The following SLC4A10 variants were observed in gnomAD, a reference collection of about 807,000 sequenced individuals.
SLC4A10 encodes solute carrier family 4 member 10.
Under a neutral mutation model 137.7 loss-of-function variants are expected in SLC4A10, and 42 were observed. The observed-to-expected ratio is 0.30, with a 90% confidence interval of 0.24 to 0.39. SLC4A10 has a LOEUF of 0.39. Ranked by LOEUF, SLC4A10 falls within the 10% of genes least tolerant of loss-of-function variation. The pLI is 1.00. For missense variants in SLC4A10, 925 were observed against 1,355.0 expected (o/e 0.68, Z 4.98); for synonymous variants, 474 against 464.1 (o/e 1.02, Z -0.27).
In SLC4A10 at chr2:161,958,975, T is replaced by G. The variant is rs548600941; in HGVS notation, c.2862+420T>G. ...AAATATTGGAAACAACCCAATTCTC[T>G]AACTGCAGTCAAATAATTAGGTAAC... On this transcript the variant is annotated intron_variant, in intron 21 of 26. Coordinates refer to ENST00000446997, the MANE Select transcript of SLC4A10 (RefSeq NM_001178015.2). 5.1e-4 allele frequency among the ~76,000 whole-genome samples: 78 copies of G among 152,320 alleles called. No individual in the cohort carries two copies. The South Asian group carries it at 6.2e-3, about 12-fold the overall frequency.
intron 15 of SLC4A10, among the ~76,000 whole-genome samples, chr2:161,932,887 C>CT (rs1244172245): frequency 1.3e-5 from 2 of 151,970 alleles, no homozygotes; most frequent in African/African-American, 2.4e-5. Flanking sequence ...CCCCATACTC[C>CT]TTGAGCCCCT....
At chr2:161,727,271 A>G (rs2046330946) in intron 1 of SLC4A10, among the ~76,000 whole-genome samples, 1 of 152,226 alleles carries the variant, frequency 6.6e-6, no homozygotes, top group African/African-American at 2.4e-5. Flanking sequence ...CCAGCTCAAG[A>G]AGAAAGCCCC....
At chr2:161,819,178 G>T (rs532590868) in intron 3 of SLC4A10, among the ~76,000 whole-genome samples, 15 of 152,098 alleles carry the variant, frequency 9.9e-5, no homozygotes, top group South Asian at 8.3e-4. Context: ...AAAAGAATAG[G>T]CCTTTAATAT....
At chr2:161,860,529 C>T (rs2060378696) in intron 5 of SLC4A10, among the ~76,000 whole-genome samples, 1 of 152,060 alleles carries the variant, frequency 6.6e-6, no homozygotes, top group South Asian at 2.1e-4. Context: ...GAAGTATATG[C>T]ATATTTTATA....
At chr2:161,828,854 G>A (rs1313489489) in intron 3 of SLC4A10, among the ~76,000 whole-genome samples, 2 of 135,408 alleles carry the variant, frequency 1.5e-5, no homozygotes, top group Non-Finnish European at 3.1e-5. Context: ...AGCATGCAGT[G>A]GATTTCAGAC....
chr2:161,827,786 C>T (rs1311847455), intron 3 of SLC4A10, among the ~76,000 whole-genome samples: 2 of 152,126 alleles, frequency 1.3e-5, no homozygotes. Context: ...AGGATGGTCT[C>T]GATCTCCTGA....
chr2:161,957,625 A>C (rs1695899556), intron 20 of SLC4A10, among the ~76,000 whole-genome samples: 1 of 152,180 alleles, frequency 6.6e-6, no homozygotes, highest in African/African-American at 2.4e-5. Context: ...AGTTAATATT[A>C]CTTACTATTA....
chr2:161,729,710 A>G (rs1157807272), intron 1 of SLC4A10, among the ~76,000 whole-genome samples: 1 of 152,202 alleles, frequency 6.6e-6, no homozygotes, highest in South Asian at 2.1e-4. Context: ...TACGTTAAAA[A>G]AAGTTAGCAA....
chr2:161,960,846 G>T (rs1471228022), intron 21 of SLC4A10, among the ~76,000 whole-genome samples: 1 of 152,164 alleles, frequency 6.6e-6, no homozygotes. Context: ...TTCAAAGGGA[G>T]TGTGGCCCTG....
intron 1 of SLC4A10, among the ~76,000 whole-genome samples, chr2:161,766,762 C>A (rs1204306339): frequency 2.7e-5 from 4 of 150,710 alleles, no homozygotes; most frequent in African/African-American, 9.8e-5. Context: ...TTTTATTGCT[C>A]TAACCAAGTC....
At chr2:161,901,488 A>G (rs1005240278) in intron 12 of SLC4A10, among the ~76,000 whole-genome samples, 2 of 152,160 alleles carry the variant, frequency 1.3e-5, no homozygotes, top group African/African-American at 4.8e-5. Context: ...CTTTGAAGAG[A>G]TGAAAGCTTC....
At chr2:161,933,184 TTTCTTTC>T (rs1559564750) in intron 15 of SLC4A10, among the ~76,000 whole-genome samples, 80 of 10,140 alleles carry the variant, frequency 7.9e-3, no homozygotes, top group Middle Eastern at 0.091. Context: ...CCTTCCTTCT[TTTCTTTC>T]TTTCTTTCTT....
intron 1 of SLC4A10, among the ~76,000 whole-genome samples, chr2:161,722,146 A>C (rs997087474): frequency 2.0e-5 from 3 of 152,038 alleles, no homozygotes; most frequent in Non-Finnish European, 4.4e-5. Flanking sequence ...GCTTGGTGAA[A>C]TTTGTTATTA....
intron 1 of SLC4A10, among the ~76,000 whole-genome samples, chr2:161,721,746 G>A (rs1014460949): frequency 6.6e-6 from 1 of 152,090 alleles, no homozygotes; most frequent in Non-Finnish European, 1.5e-5. Context: ...TGCTAGGTTG[G>A]GGAATTTCCC....
intron 1 of SLC4A10, among the ~76,000 whole-genome samples, chr2:161,652,442 T>C (rs2036934877): frequency 2.0e-5 from 3 of 152,190 alleles, no homozygotes; most frequent in Admixed American, 6.6e-5. Flanking sequence ...CACACACACA[T>C]ATGTGAAGAA....
intron 1 of SLC4A10, among the ~76,000 whole-genome samples, chr2:161,673,341 T>C (rs1428351749): frequency 6.6e-6 from 1 of 152,206 alleles, no homozygotes; most frequent in Non-Finnish European, 1.5e-5. Context: ...CAGGGTGTAC[T>C]GAGAAATATT....
At chr2:161,673,672 A>T (rs543724143) in intron 1 of SLC4A10, among the ~76,000 whole-genome samples, 46 of 152,290 alleles carry the variant, frequency 3.0e-4, no homozygotes, top group African/African-American at 1.0e-3. Context: ...GTATTAATAC[A>T]TTTAAAAAAA....
At chr2:161,758,611 C>CA (rs2049922859) in intron 1 of SLC4A10, among the ~76,000 whole-genome samples, 1 of 151,926 alleles carries the variant, frequency 6.6e-6, no homozygotes, top group Non-Finnish European at 1.5e-5. Flanking sequence ...TAGGTCAACT[C>CA]AGAACTGTCC....
At chr2:161,733,507 C>T (rs1363691535) in intron 1 of SLC4A10, among the ~76,000 whole-genome samples, 2 of 152,218 alleles carry the variant, frequency 1.3e-5, no homozygotes, top group East Asian at 1.9e-4. Flanking sequence ...GATGACTAAG[C>T]AGAAGTTTGC....
Sources: gnomAD v4.1 joint callset for allele counts (sites outside exome capture counted in the v4.1 genomes callset) on GRCh38, gnomAD v4.1.1 for gene constraint, MANE v1.5 for transcripts, NCBI Gene and HGNC (gene_info 2026-07-23, HGNC 2026-07-21) for gene names.